The following ARHGAP28 variants were observed in gnomAD, a reference collection of about 807,000 sequenced individuals.
The protein encoded by ARHGAP28 is rho GTPase-activating protein 28.
ARHGAP28 carries 56 observed loss-of-function variants against 90.7 expected under a neutral mutation model. That is an observed-to-expected ratio of 0.62 (90% CI 0.50 to 0.77). The LOEUF is 0.77. ARHGAP28 is among the 30% of genes least tolerant of loss of function. The pLI is 0.00. For synonymous variants in ARHGAP28, 308 were observed against 323.3 expected (o/e 0.95, Z 0.51); for missense variants, 869 against 900.9 (o/e 0.96, Z 0.45).
intron 1 of ARHGAP28, among the ~76,000 whole-genome samples, chr18:6,780,461 T>C (rs2056315443): frequency 6.6e-6 from 1 of 152,164 alleles, no homozygotes; most frequent in African/African-American, 2.4e-5. Flanking sequence ...ATGCAAACAC[T>C]ACGCCATTTT....
rs989986668 is a variant in ARHGAP28 at position 6,810,094 on chromosome 18, G to A, written c.123-14668G>A. On this transcript the variant is annotated intron_variant, in intron 1 of 17. Coordinates refer to ENST00000383472, the MANE Select transcript of ARHGAP28 (RefSeq NM_001366230.1). ...TATCAAGCCAAAATTTCAGCTGATTGTTGAGAAAGTTCGATATAAGTTTCT... is the reference window on the plus strand; with the variant it reads ...TATCAAGCCAAAATTTCAGCTGATTATTGAGAAAGTTCGATATAAGTTTCT... Among the ~76,000 whole-genome samples the A allele has an allele frequency of 2.0e-5, 3 of 152,156 alleles. No homozygotes were observed. In the East Asian group the frequency reaches 5.8e-4, roughly 29 times the overall value.
At chr18:6,837,551 G>GAC in intron 3 of ARHGAP28, 137 bp downstream of exon 3, 1 of 662,724 alleles carries the variant, frequency 1.5e-6, no homozygotes, top group Non-Finnish European at 2.6e-6. Flanking sequence ...AACTAAAGCA[G>GAC]ACAGCACAGT....
intron 11 of ARHGAP28, among the ~76,000 whole-genome samples, chr18:6,886,933 G>A (rs566553626): frequency 6.6e-6 from 1 of 152,146 alleles, no homozygotes; most frequent in Admixed American, 6.5e-5. Flanking sequence ...TGAGGATCTC[G>A]TTGGCCACCT....
chr18:6,783,503 G>A (rs1322114989), intron 1 of ARHGAP28, among the ~76,000 whole-genome samples: 2 of 143,168 alleles, frequency 1.4e-5, no homozygotes, highest in Non-Finnish European at 2.9e-5. Context: ...GTTTCTCCAT[G>A]TTGGTCAGGC....
chr18:6,890,670 A>G (rs1046043885), intron 14 of ARHGAP28, 127 bp downstream of exon 14: 2 of 556,104 alleles, frequency 3.6e-6, no homozygotes, highest in African/African-American at 1.9e-5. Context: ...GAGTGTTGTA[A>G]CTATAAACAT....
At chr18:6,777,390 T>G (rs2056292451) in intron 1 of ARHGAP28, among the ~76,000 whole-genome samples, 1 of 152,112 alleles carries the variant, frequency 6.6e-6, no homozygotes, top group South Asian at 2.1e-4. Flanking sequence ...GAACACAACT[T>G]GACATACTGA....
intron 16 of ARHGAP28, chr18:6,898,848 C>T: frequency 2.5e-6 from 2 of 788,390 alleles, no homozygotes; most frequent in Non-Finnish European, 3.2e-6. Flanking sequence ...GATGTAAAGG[C>T]CTAAGAATGA....
rs1311880936 is a variant in ARHGAP28 at position 6,896,634 on chromosome 18, A to C, written c.2030+8A>C. The C allele has an allele frequency of 6.2e-7, 1 of 1,613,838 alleles. No homozygotes were observed. The highest frequency in any genetic ancestry group is 8.5e-7 in the Non-Finnish European group (1 of 1,179,946). On this transcript the variant is annotated splice_region_variant and intron_variant, in intron 16 of 17. Transcript: ENST00000383472. Reference sequence around the variant, plus strand: ...ATTTCAATATGAAAACAGGTGAGTCAATGTGAATGAAGGTCTCTGCACAAG... The same window carrying C: ...ATTTCAATATGAAAACAGGTGAGTCCATGTGAATGAAGGTCTCTGCACAAG...
chr18:6,781,719 GACACCA>G (rs780063582), intron 1 of ARHGAP28, among the ~76,000 whole-genome samples: 1 of 152,152 alleles, frequency 6.6e-6, no homozygotes, highest in Non-Finnish European at 1.5e-5. Context: ...CTGGGGGTGG[GACACCA>G]AACACATGGC....
intron 5 of ARHGAP28, among the ~76,000 whole-genome samples, chr18:6,864,682 A>G (rs1043460745): frequency 6.6e-6 from 1 of 151,854 alleles, no homozygotes; most frequent in African/African-American, 2.4e-5. Flanking sequence ...AAACTTTATT[A>G]TTATTTATTT....
At chr18:6,751,614 C>G (rs1413786971) in intron 1 of ARHGAP28, among the ~76,000 whole-genome samples, 1 of 152,158 alleles carries the variant, frequency 6.6e-6, no homozygotes, top group East Asian at 1.9e-4. Context: ...GCAAAATTCT[C>G]TGTGCTAATT....
At chr18:6,841,180 C>CTCTCTCTCT (rs1491103592) in intron 3 of ARHGAP28, among the ~76,000 whole-genome samples, 25 of 57,054 alleles carry the variant, frequency 4.4e-4, no homozygotes, top group Admixed American at 7.3e-4. Context: ...CTCTCTCTCT[C>CTCTCTCTCT]CTCTCTCTCT....
intron 1 of ARHGAP28, among the ~76,000 whole-genome samples, chr18:6,802,116 T>A (rs958804461): frequency 6.6e-6 from 1 of 152,176 alleles, no homozygotes; most frequent in Non-Finnish European, 1.5e-5. Context: ...TTAATAATAT[T>A]CCATTGTGTA....
At chr18:6,906,893 G>A (rs1235119985) in intron 16 of ARHGAP28, among the ~76,000 whole-genome samples, 1 of 152,050 alleles carries the variant, frequency 6.6e-6, no homozygotes, top group African/African-American at 2.4e-5. Context: ...CAAAGGACTA[G>A]TATCTAGAAT....
At chr18:6,898,433 A>G in intron 16 of ARHGAP28, 1 of 1,526,042 alleles carries the variant, frequency 6.6e-7, no homozygotes, top group Non-Finnish European at 9.1e-7. Flanking sequence ...CACTTGCTCC[A>G]AGAATACTGC....
intron 17 of ARHGAP28, 70 bp downstream of exon 17, chr18:6,909,094 C>A: frequency 2.2e-6 from 2 of 910,638 alleles, no homozygotes; most frequent in South Asian, 1.5e-5. Flanking sequence ...TTGCTATAAT[C>A]ATAAAGGTAT....
chr18:6,813,610 T>C (rs979858747), intron 1 of ARHGAP28, among the ~76,000 whole-genome samples: 1 of 152,108 alleles, frequency 6.6e-6, no homozygotes, highest in Non-Finnish European at 1.5e-5. Flanking sequence ...CAGAAATACA[T>C]TAAGGGGACA....
chr18:6,777,930 C>T (rs1182020065), intron 1 of ARHGAP28, among the ~76,000 whole-genome samples: 4 of 152,068 alleles, frequency 2.6e-5, no homozygotes, highest in African/African-American at 4.8e-5. Context: ...AGCATTTTTC[C>T]GATCTGGTGG....
intron 1 of ARHGAP28, among the ~76,000 whole-genome samples, chr18:6,761,559 G>T (rs1292117027): frequency 2.0e-5 from 3 of 152,154 alleles, no homozygotes; most frequent in Non-Finnish European, 4.4e-5. Flanking sequence ...CCCTAGGCTT[G>T]GACCATCAGC....
Sources: allele counts gnomAD v4.1 joint callset (sites outside exome capture counted in the v4.1 genomes callset), GRCh38; gene constraint gnomAD v4.1.1; transcripts MANE v1.5; gene names NCBI Gene and HGNC (gene_info 2026-07-23, HGNC 2026-07-21).